RXYLT1: variants seen among roughly 807,000 people sequenced by gnomAD.
RXYLT1 encodes the protein ribitol-5-phosphate xylosyltransferase 1.
In RXYLT1, 41 loss-of-function variants were observed where a neutral mutation model predicts 43.5. The observed-to-expected ratio is 0.94, with a 90% confidence interval of 0.73 to 1.22. RXYLT1 has a LOEUF of 1.22. Among genes scored for constraint, RXYLT1 ranks in the 50% most tolerant of loss-of-function variants. RXYLT1 has a pLI of 0.00. For missense variants in RXYLT1, 514 were observed against 532.0 expected, an observed-to-expected ratio of 0.97 and a Z score of 0.33; for synonymous variants, 166 against 194.4, an observed-to-expected ratio of 0.85 and a Z score of 1.21.
chr12:63,795,133 CAAAA>C (rs1565903208), intron 3 of RXYLT1, among the ~76,000 whole-genome samples: 2 of 151,910 alleles, frequency 1.3e-5, no homozygotes, highest in South Asian at 2.1e-4. Context: ...TGTATCTCTA[CAAAA>C]AACACAAAAA....
At chr12:63,786,833 G>A (rs894243656) in intron 3 of RXYLT1, among the ~76,000 whole-genome samples, 2 of 152,190 alleles carry the variant, frequency 1.3e-5, no homozygotes, top group African/African-American at 4.8e-5. Context: ...TCAATCCTAG[G>A]CCGGATGCAG....
At chr12:63,783,233 G>A (rs565392152) in intron 2 of RXYLT1, among the ~76,000 whole-genome samples, 3 of 152,220 alleles carry the variant, frequency 2.0e-5, no homozygotes, top group South Asian at 2.1e-4. Context: ...GGCTGAGGCC[G>A]GTGGATCACT....
chr12:63,790,014 G>A (rs1482881599), intron 3 of RXYLT1, among the ~76,000 whole-genome samples: 2 of 152,132 alleles, frequency 1.3e-5, no homozygotes, highest in Admixed American at 6.5e-5. Context: ...TCATTTAATT[G>A]TAGCCTCGAG....
intron 1 of RXYLT1, 39 bp downstream of exon 1, chr12:63,780,168 C>G (rs996377614): frequency 9.8e-6 from 14 of 1,424,138 alleles, no homozygotes; most frequent in African/African-American, 1.5e-5. Flanking sequence ...GCTCTGCGCT[C>G]CTGGCTGGGG....
At position 63,809,139 on chromosome 12, in the gene RXYLT1, T is replaced by C; in HGVS notation, c.*47T>C. 7.7e-7 allele frequency: 1 copy of C among 1,300,840 alleles called. No individual in the cohort carries two copies. 80.6% of individuals were successfully genotyped at this position (1,300,840 alleles called of 1,614,324 possible). A position where few individuals can be genotyped will look rare whatever the true frequency, so the allele number is the denominator to read the frequency against. On this transcript the variant is annotated 3_prime_UTR_variant, in exon 6 of 6. Transcript: ENST00000261234. ...TGATTTTTAAAATCATTTTGACTAC[T>C]GGGTGTATAAATGTGTTTGTGTGTG...
Position 63,809,108 on chromosome 12 carries a change from AAC to A in RXYLT1, c.*18_*19del, listed in dbSNP as rs1898390857. On this transcript the variant is annotated 3_prime_UTR_variant, in exon 6 of 6. Coordinates refer to ENST00000261234, the MANE Select transcript of RXYLT1 (RefSeq NM_014254.3). ...TAAAAGTTAATTATCTTTTTGAGCT[AAC>A]ATGTGATTTTTAAAATCATTTTGAC... is the stretch of plus-strand genomic sequence containing the variant. 6.8e-7 allele frequency: 1 copy of A among 1,465,698 alleles called. No homozygotes were observed. The allele number at this position is 1,465,698 out of a possible 1,614,324, so 90.8% of individuals were successfully genotyped here.
At chr12:63,796,791 T>C (rs934884546) in intron 3 of RXYLT1, among the ~76,000 whole-genome samples, 1 of 151,688 alleles carries the variant, frequency 6.6e-6, no homozygotes, top group South Asian at 2.1e-4. Flanking sequence ...GGATAAAAAT[T>C]TAAAAATAAA....
chr12:63,805,068 A>T, intron 4 of RXYLT1, 166 bp from the exon 5 acceptor site: 1 of 466,194 alleles, frequency 2.1e-6, no homozygotes, highest in Admixed American at 4.1e-5. Context: ...TTAAGTCAGT[A>T]GATTCAGGGA....
Position 63,809,091 on chromosome 12 carries a change from A to G in RXYLT1, c.1331A>G (p.Ter444=). The G allele has an allele frequency of 3.3e-6, 5 of 1,500,542 alleles. No individual in the cohort carries two copies. The highest frequency in any genetic ancestry group is 1.4e-5 in the African/African-American group (1 of 70,038). 93.0% of individuals were successfully genotyped at this position (1,500,542 alleles called of 1,614,324 possible). Residue 444 remains the stop codon, a stop_retained_variant, in exon 6 of 6, where the codon TAA becomes TGA. Coordinates refer to ENST00000261234, the MANE Select transcript of RXYLT1 (RefSeq NM_014254.3). ...TCATTTTTAATGAATAATAAAAGTT[A>G]ATTATCTTTTTGAGCTAACATGTGA... The part of the protein sequence containing the change: ...ESSFLMNNKS[*]
intron 3 of RXYLT1, among the ~76,000 whole-genome samples, chr12:63,789,425 C>T (rs1325475491): frequency 6.6e-6 from 1 of 152,136 alleles, no homozygotes; most frequent in Non-Finnish European, 1.5e-5. Context: ...CACCGGGCAC[C>T]TCCCACAACA....
At chr12:63,792,531 A>G (rs1897939668) in intron 3 of RXYLT1, among the ~76,000 whole-genome samples, 1 of 152,212 alleles carries the variant, frequency 6.6e-6, no homozygotes, top group Admixed American at 6.5e-5. Context: ...CTGGCAGAGT[A>G]AACACTGAGG....
intron 3 of RXYLT1, among the ~76,000 whole-genome samples, chr12:63,785,958 T>C (rs936781782): frequency 6.6e-6 from 1 of 152,112 alleles, no homozygotes. Flanking sequence ...TGCATGTATC[T>C]TTTCAAAGTT....
chr12:63,799,563 T>G (rs1467287392), intron 3 of RXYLT1, among the ~76,000 whole-genome samples: 2 of 152,104 alleles, frequency 1.3e-5, no homozygotes, highest in African/African-American at 4.8e-5. Context: ...AGTGCTGGGA[T>G]TACAGGCATG....
chr12:63,788,461 T>G (rs1420196476), intron 3 of RXYLT1, among the ~76,000 whole-genome samples: 1 of 152,240 alleles, frequency 6.6e-6, no homozygotes, highest in African/African-American at 2.4e-5. Context: ...ATCAATGATC[T>G]TAGCTAAATC....
chr12:63,798,663 C>T lies in RXYLT1; in HGVS notation c.429-3428C>T, dbSNP rs986117983. Among the ~76,000 whole-genome samples the T allele has an allele frequency of 2.6e-5, 4 of 152,196 alleles. No homozygotes were observed. In the East Asian group the frequency reaches 7.7e-4, roughly 29 times the overall value. The stretch of plus-strand genomic sequence containing the variant: ...GCAGTACAGTTTCAACATTAGATTA[C>T]CCTGCATTTATTTGAACAATATCAG... On this transcript the variant is annotated intron_variant, in intron 3 of 5. Transcript: ENST00000261234.
chr12:63,806,279 G>A (rs936059724), intron 5 of RXYLT1: 1 of 152,212 alleles, frequency 6.6e-6, no homozygotes, highest in African/African-American at 2.4e-5. Flanking sequence ...ATGCTTGTTG[G>A]AGTAGACAAG....
At position 63,793,940 on chromosome 12, in the gene RXYLT1, C is replaced by T. The variant is rs1464983890; in HGVS notation, c.429-8151C>T. On this transcript the variant is annotated intron_variant, in intron 3 of 5. Coordinates refer to ENST00000261234, the MANE Select transcript of RXYLT1 (RefSeq NM_014254.3). ...CAACTTCTTACAATACTGAAGCCTA[C>T]TTAATAAGAGAAATGCCGTTGCTTG... 2.0e-5 allele frequency among the ~76,000 whole-genome samples: 3 copies of T among 152,164 alleles called. No individual in the cohort carries two copies. In the East Asian group the frequency reaches 5.8e-4, roughly 29 times the overall value.
chr12:63,784,697 G>A (rs904835936), intron 2 of RXYLT1, among the ~76,000 whole-genome samples: 8 of 152,100 alleles, frequency 5.3e-5, no homozygotes, highest in Non-Finnish European at 1.0e-4. Context: ...TAAATTAGGG[G>A]TTTCTCAAAT....
At chr12:63,807,954 C>T (rs909753011) in intron 5 of RXYLT1, 1 of 152,476 alleles carries the variant, frequency 6.6e-6, no homozygotes, top group Non-Finnish European at 1.5e-5. Flanking sequence ...TCTGATGAAA[C>T]CTACATCACG....
Sources: gnomAD v4.1 joint callset for allele counts (sites outside exome capture counted in the v4.1 genomes callset) on GRCh38, gnomAD v4.1.1 for gene constraint, MANE v1.5 for transcripts, NCBI Gene and HGNC (gene_info 2026-07-23, HGNC 2026-07-21) for gene names.